The following IREB2 variants were observed in gnomAD, a reference collection of about 807,000 sequenced individuals.
IREB2 encodes the protein iron responsive element binding protein 2.
A neutral mutation model predicts 118.8 loss-of-function variants in IREB2; 39 were observed. That is an observed-to-expected ratio of 0.33 (90% confidence interval 0.25 to 0.43). IREB2 has a LOEUF of 0.43. Ranked by LOEUF, IREB2 falls within the 20% of genes least tolerant of loss-of-function variation. The pLI is 1.00. For missense variants in IREB2, 900 were observed against 1,147.3 expected, an observed-to-expected ratio of 0.78 and a Z score of 3.11; for synonymous variants, 372 against 392.2, an observed-to-expected ratio of 0.95 and a Z score of 0.61.
chr15:78,490,243 A>G (rs28732369), intron 16 of IREB2, among the ~76,000 whole-genome samples, 179 bp from the exon 17 acceptor site: 1 of 152,154 alleles, frequency 6.6e-6, no homozygotes, highest in Admixed American at 6.5e-5. Flanking sequence ...AAAATTTAAA[A>G]TTTTTTAAAA....
rs2051684715 is a variant in IREB2, at chr15:78,487,769, G to A, written c.1746G>A (p.Val582=). 6.2e-7 allele frequency: 1 copy of A among 1,608,936 alleles called. No homozygotes were observed. Among genetic ancestry groups the A allele is most frequent in the Non-Finnish European group, 8.5e-7 (1 of 1,175,894 alleles). Reference sequence around the variant, plus strand: ...TTGGCTATGGATGTTCAATTTGTGTGGGAAATACAGCACCCTTATCAGACG... The same window carrying A: ...TTGGCTATGGATGTTCAATTTGTGTAGGAAATACAGCACCCTTATCAGACG... ...EIVGYGCSIC[V]GNTAPLSDAV... is the part of the protein sequence containing the mutation. The change falls in exon 14 of 22, where the codon GTG becomes GTA. Residue 582 remains valine (V), a synonymous_variant. Transcript: ENST00000258886.
Position 78,463,029 on chromosome 15 carries a change from A to T in IREB2, c.214A>T (p.Lys72Ter). 1 of 1,612,686 alleles carries T rather than the reference A, an allele frequency of 6.2e-7. No homozygotes were observed. The highest frequency in any genetic ancestry group is 8.5e-7 in the Non-Finnish European group (1 of 1,179,668). Residue 72 changes from lysine (K) to a stop codon, truncating the protein, a stop_gained, in exon 3 of 22, where the codon AAA becomes TAA. Coordinates refer to ENST00000258886, the MANE Select transcript of IREB2 (RefSeq NM_004136.4). LOFTEE classifies it high-confidence loss of function. ...TATGAACATTTTAGACTGGAAAACC[A>T]AACAAAGCAATGTTGAAGTGCCCTT... is the stretch of plus-strand genomic sequence containing the variant. Reference protein sequence around the residue: ...DVMNILDWKTKQSNVEVPFFP... With the variant: ...DVMNILDWKT
At chr15:78,477,474 C>G (rs1186617220) in intron 9 of IREB2, among the ~76,000 whole-genome samples, 1 of 152,216 alleles carries the variant, frequency 6.6e-6, no homozygotes, top group Non-Finnish European at 1.5e-5. Context: ...TCAGGCAAAA[C>G]ACCCTCATGT....
chr15:78,474,698 TG>T (rs1378661632), intron 8 of IREB2: 1 of 152,330 alleles, frequency 6.6e-6, no homozygotes, highest in African/African-American at 2.4e-5. Context: ...AATCCTGTAT[TG>T]TTTTTTTGAT....
intron 13 of IREB2, among the ~76,000 whole-genome samples, chr15:78,486,268 A>G (rs1322501006): frequency 6.6e-6 from 1 of 152,266 alleles, no homozygotes; most frequent in Non-Finnish European, 1.5e-5. Context: ...TATTGGGTCT[A>G]TAATACATAA....
chr15:78,496,997 T>C (rs1218396551), intron 20 of IREB2, 129 bp from the exon 21 acceptor site: 6 of 647,926 alleles, frequency 9.3e-6, no homozygotes, highest in Non-Finnish European at 1.6e-5. Context: ...TGATAAAATA[T>C]TGATTCAGTA....
At chr15:78,487,289 T>C (rs984388434) in intron 13 of IREB2, among the ~76,000 whole-genome samples, 4 of 152,228 alleles carry the variant, frequency 2.6e-5, no homozygotes, top group African/African-American at 9.6e-5. Context: ...TCAATTATTT[T>C]AAAAGGTCAT....
chr15:78,473,367 C>A lies in IREB2; in HGVS notation c.1009C>A (p.Leu337Ile), dbSNP rs1172555148. Reference sequence around the variant, plus strand: ...TTTTGTTACATCCATAGATGTTGTTCTTGGTATTACAAAGGTAAGTTAAAG... The same window carrying A: ...TTTTGTTACATCCATAGATGTTGTTATTGGTATTACAAAGGTAAGTTAAAG... ...NPFVTSIDVV[L>I]GITKHLRQVG... Residue 337 changes from leucine to isoleucine, a missense_variant, in exon 8 of 22, where the codon CTT becomes ATT. By Grantham distance (5) the Leu-to-Ile change is conservative. Coordinates refer to ENST00000258886, the MANE Select transcript of IREB2 (RefSeq NM_004136.4). 3 of 1,613,300 alleles carry A rather than the reference C, an allele frequency of 1.9e-6. No homozygotes were observed. Among genetic ancestry groups the A allele is most frequent in the Admixed American group, 1.7e-5 (1 of 59,968 alleles).
chr15:78,459,774 T>C (rs2051166987), intron 2 of IREB2, among the ~76,000 whole-genome samples: 1 of 152,188 alleles, frequency 6.6e-6, no homozygotes, highest in African/African-American at 2.4e-5. Flanking sequence ...GGTTGTTACG[T>C]CTTTTAAGTT....
At chr15:78,489,376 T>G (rs1475602759) in intron 16 of IREB2, among the ~76,000 whole-genome samples, 1 of 152,052 alleles carries the variant, frequency 6.6e-6, no homozygotes, top group Non-Finnish European at 1.5e-5. Context: ...AAATAACAGT[T>G]GAGGGGGGAA....
At chr15:78,458,590 T>C (rs1054015943) in intron 2 of IREB2, among the ~76,000 whole-genome samples, 2 of 152,110 alleles carry the variant, frequency 1.3e-5, no homozygotes, top group Admixed American at 6.5e-5. Flanking sequence ...TCATGCTTTC[T>C]CAGAGGTGCC....
intron 2 of IREB2, among the ~76,000 whole-genome samples, chr15:78,461,277 C>T (rs2051192425): frequency 6.6e-6 from 1 of 152,190 alleles, no homozygotes; most frequent in African/African-American, 2.4e-5. Context: ...ACTTTGTTCA[C>T]AGTAAACAGA....
intron 2 of IREB2, among the ~76,000 whole-genome samples, chr15:78,446,242 G>C (rs1406883816): frequency 6.6e-6 from 1 of 152,118 alleles, no homozygotes; most frequent in Non-Finnish European, 1.5e-5. Flanking sequence ...CTTGTAATTT[G>C]TACACATAGT....
chr15:78,495,183 C>T (rs1173938745), intron 20 of IREB2, among the ~76,000 whole-genome samples: 1 of 152,154 alleles, frequency 6.6e-6, no homozygotes, highest in African/African-American at 2.4e-5. Context: ...ATGCAGGCCT[C>T]ATTCTTATTT....
At chr15:78,477,955 C>T (rs1282061564) in intron 9 of IREB2, among the ~76,000 whole-genome samples, 1 of 151,756 alleles carries the variant, frequency 6.6e-6, no homozygotes, top group Non-Finnish European at 1.5e-5. Context: ...GGTGTGGTGG[C>T]TCATACCCAT....
intron 2 of IREB2, among the ~76,000 whole-genome samples, chr15:78,454,897 G>T (rs373748113): frequency 2.0e-5 from 3 of 152,034 alleles, no homozygotes; most frequent in Non-Finnish European, 4.4e-5. Context: ...TTGTTATGTT[G>T]CCCAGGTTGT....
intron 8 of IREB2, chr15:78,475,438 T>C (rs1363993320): frequency 3.3e-5 from 5 of 152,174 alleles, no homozygotes; most frequent in African/African-American, 9.7e-5. Flanking sequence ...TAGTTATAAT[T>C]TGAAAAATGT....
At chr15:78,470,398 C>G in intron 5 of IREB2, 134 bp from the exon 6 acceptor site, 1 of 523,760 alleles carries the variant, frequency 1.9e-6, no homozygotes, top group Admixed American at 3.0e-5. Context: ...TCTGAGAAAC[C>G]TAGTAAATAG....
At position 78,488,660 on chromosome 15, in the gene IREB2, C is replaced by G. The variant is rs183041930; in HGVS notation, c.1965C>G (p.Thr655=). 6.2e-7 allele frequency: 1 copy of G among 1,607,612 alleles called. No individual in the cohort carries two copies. ...AATTTTAACCAGGTACTGACCCCAC[C>G]GGCAAGAACATTTACCTGCATGATA... ...FQTEPLGTDP[T]GKNIYLHDIW... The change falls in exon 16 of 22, where the codon ACC becomes ACG. Residue 655 remains threonine (T), a synonymous_variant. Coordinates refer to ENST00000258886, the MANE Select transcript of IREB2 (RefSeq NM_004136.4).
Sources: gnomAD v4.1 joint callset for allele counts (sites outside exome capture counted in the v4.1 genomes callset) on GRCh38, gnomAD v4.1.1 for gene constraint, MANE v1.5 for transcripts, NCBI Gene and HGNC (gene_info 2026-07-23, HGNC 2026-07-21) for gene names.